The following PRDM11 variants were observed in gnomAD, a reference collection of about 807,000 sequenced individuals.
PRDM11 encodes PR domain-containing protein 11.
PRDM11 carries 20 observed loss-of-function variants against 97.8 expected under a neutral mutation model. That is an observed-to-expected ratio of 0.20 (90% CI 0.14 to 0.30). The LOEUF (loss-of-function observed/expected upper bound fraction) is 0.30. Among genes scored for constraint, PRDM11 ranks in the 10% least tolerant of loss-of-function variants. PRDM11 has a pLI of 1.00. For missense variants in PRDM11, 1,139 were observed against 1,555.2 expected (o/e 0.73, Z 4.50); for synonymous variants, 599 against 637.7 (o/e 0.94, Z 0.91).
intron 1 of PRDM11, among the ~76,000 whole-genome samples, chr11:45,106,333 C>T (rs1441407270): frequency 2.6e-5 from 4 of 152,204 alleles, no homozygotes; most frequent in South Asian, 4.1e-4. Context: ...GGCCCTGCCA[C>T]CTCTTGGGGT....
intron 4 of PRDM11, among the ~76,000 whole-genome samples, chr11:45,200,479 A>T (rs1358113981): frequency 6.6e-6 from 1 of 152,220 alleles, no homozygotes; most frequent in Non-Finnish European, 1.5e-5. Flanking sequence ...AATTTTATAG[A>T]TAAGGAAACT....
intron 1 of PRDM11, among the ~76,000 whole-genome samples, chr11:45,180,329 C>T (rs912133766): frequency 2.0e-5 from 3 of 152,126 alleles, no homozygotes; most frequent in Non-Finnish European, 4.4e-5. Flanking sequence ...CGCGGCTGAG[C>T]GAGCGGGTGT....
chr11:45,151,636 T>C (rs760999863), intron 1 of PRDM11, among the ~76,000 whole-genome samples: 12 of 152,242 alleles, frequency 7.9e-5, no homozygotes, highest in East Asian at 3.8e-4. Context: ...GCCTGGGAGA[T>C]AGGCAAATAA....
At chr11:45,170,306 G>T (rs11038339) in intron 1 of PRDM11, among the ~76,000 whole-genome samples, 2 of 151,806 alleles carry the variant, frequency 1.3e-5, no homozygotes, top group East Asian at 3.9e-4. Flanking sequence ...TCACACCACT[G>T]CACTCCAGCC....
intron 1 of PRDM11, among the ~76,000 whole-genome samples, chr11:45,125,793 G>A (rs1010263067): frequency 6.6e-6 from 1 of 152,098 alleles, no homozygotes; most frequent in East Asian, 1.9e-4. Flanking sequence ...GTGTGGTGTG[G>A]TGCTGAAAAA....
In PRDM11 at chr11:45,229,310, C is replaced by T. The variant is rs1206720514; in HGVS notation, c.*1151C>T. On this transcript the variant is annotated 3_prime_UTR_variant, in exon 8 of 8. Transcript: ENST00000683152. ...AAATGAGAGTCTGTAGAGATGTGGT[C>T]CTCCTTTTGCAACAAGGCTGATAAC... 1 of 152,036 alleles carries T rather than the reference C, an allele frequency of 6.6e-6. No individual in the cohort carries two copies. Among genetic ancestry groups the T allele is most frequent in the Non-Finnish European group, 1.5e-5 (1 of 68,024 alleles). 9.4% of individuals were successfully genotyped at this position (152,036 alleles called of 1,614,324 possible).
intron 5 of PRDM11, among the ~76,000 whole-genome samples, chr11:45,210,577 A>T (rs1853694419): frequency 6.6e-6 from 1 of 152,186 alleles, no homozygotes; most frequent in Non-Finnish European, 1.5e-5. Context: ...GGCTCAGCCC[A>T]TGGGAAGGTG....
At chr11:45,146,442 C>G (rs185818306), upstream of PRDM11, among the ~76,000 whole-genome samples, 4 of 152,220 alleles carry the variant, frequency 2.6e-5, no homozygotes, top group Admixed American at 2.6e-4. Context: ...GATTTCTCCA[C>G]GGGCTGGATT....
At chr11:45,164,801 T>C (rs141880392) in intron 1 of PRDM11, among the ~76,000 whole-genome samples, 1 of 152,280 alleles carries the variant, frequency 6.6e-6, no homozygotes, top group East Asian at 1.9e-4. Context: ...TGAATGCTTC[T>C]TGGGGGCCCA....
At position 45,227,156 on chromosome 11, in the gene PRDM11, A is replaced by G; in HGVS notation, c.2531A>G (p.Glu844Gly). The G allele has an allele frequency of 6.5e-7, 1 of 1,533,944 alleles. No individual in the cohort carries two copies. The highest frequency in any genetic ancestry group is 1.2e-5 in the South Asian group (1 of 83,972). The change falls in exon 8 of 8, where the codon GAG becomes GGG. Residue 844 changes from glutamate (E) to glycine (G), a missense_variant. This residue lies in a region of PRDM11 where 710 missense variants were observed against 1,044.9 expected (regional missense o/e 0.68). Transcript: ENST00000683152. This position sits in a 1 kb window ranked among gnomAD's most constrained non-coding sequence, Gnocchi z 8.0. Reference protein sequence around the residue: ...VLNALIKDYLEVVAHLKEVSS... With the variant: ...VLNALIKDYLGVVAHLKEVSS... ...AACGCTCTCATCAAGGACTACCTGG[A>G]GGTGGTGGCCCATCTCAAGGAGGTC...
At position 45,226,794 on chromosome 11, in the gene PRDM11, A is replaced by G. The variant is rs1565350963; in HGVS notation, c.2169A>G (p.Glu723=). The G allele has an allele frequency of 1.3e-6, 2 of 1,533,896 alleles. No individual in the cohort carries two copies. The highest frequency in any genetic ancestry group is 8.7e-7 in the Non-Finnish European group (1 of 1,146,726). Residue 723 remains glutamate (E), a synonymous_variant, in exon 8 of 8, where the codon GAA becomes GAG. Coordinates refer to ENST00000683152, the MANE Select transcript of PRDM11 (RefSeq NM_001384648.1). ...FSALGIRLQD[E]KPTVGLGVDG... is the part of the protein sequence containing the mutation. ...CCTTGGGCATCCGGTTGCAGGATGA[A>G]AAGCCAACTGTTGGCTTGGGTGTAG... is the stretch of plus-strand genomic sequence containing the variant.
intron 1 of PRDM11, among the ~76,000 whole-genome samples, chr11:45,123,289 A>G (rs1349936182): frequency 2.6e-5 from 4 of 152,180 alleles, no homozygotes; most frequent in African/African-American, 9.6e-5. Flanking sequence ...CCCATTTTGT[A>G]GGTTGCCTGT....
Position 45,103,533 on chromosome 11 carries a change from T to C in PRDM11, c.96+7632T>C, listed in dbSNP as rs1221839872. ...CCCTGAGCCTCAGTTTCCCCATCTG[T>C]AAAACCAGGAAAAATAACCCAAACT... On this transcript the variant is annotated intron_variant, in intron 1 of 6. Transcript: ENST00000530656. Among the ~76,000 whole-genome samples, 129 of 152,206 alleles carry C rather than the reference T, an allele frequency of 8.5e-4. 2 individuals carry two copies. The highest frequency in any genetic ancestry group is 7.4e-5 in the Non-Finnish European group (5 of 68,026).
chr11:45,113,830 T>TGTGTG (rs1324042757), intron 1 of PRDM11, among the ~76,000 whole-genome samples: 5 of 38,412 alleles, frequency 1.3e-4, no homozygotes, highest in African/African-American at 3.0e-4. Context: ...GTGTGTTTTG[T>TGTGTG]TTTTTTTTTT....
intron 1 of PRDM11, among the ~76,000 whole-genome samples, chr11:45,106,730 T>G (rs995182651): frequency 6.6e-6 from 1 of 152,186 alleles, no homozygotes; most frequent in East Asian, 1.9e-4. Flanking sequence ...ACGTGGTCTG[T>G]GAGTTCTTTT....
chr11:45,221,302 G>A (rs1854114414), intron 6 of PRDM11, among the ~76,000 whole-genome samples: 1 of 152,178 alleles, frequency 6.6e-6, no homozygotes. Flanking sequence ...TGATGAGGCT[G>A]CAGTGGTTTC....
intron 2 of PRDM11, 47 bp from the exon 3 acceptor site, chr11:45,182,197 ACT>A (rs1051901297): frequency 1.8e-5 from 28 of 1,550,174 alleles, no homozygotes; most frequent in Non-Finnish European, 2.5e-5. Flanking sequence ...CTGGGCTCTC[ACT>A]CTCTGATGAC....
chr11:45,178,367 C>T (rs1852380349), intron 1 of PRDM11, among the ~76,000 whole-genome samples: 1 of 152,134 alleles, frequency 6.6e-6, no homozygotes, highest in Admixed American at 6.6e-5. Flanking sequence ...ATTATCCTCC[C>T]CAACTTATCG....
At chr11:45,167,829 G>T (rs995710356) in intron 1 of PRDM11, among the ~76,000 whole-genome samples, 13 of 151,514 alleles carry the variant, frequency 8.6e-5, no homozygotes, top group African/African-American at 3.2e-4. Context: ...GGAATGGTGA[G>T]CTGGCTGCCT....
Sources: allele counts gnomAD v4.1 joint callset (sites outside exome capture counted in the v4.1 genomes callset), GRCh38; gene constraint gnomAD v4.1.1; regional missense constraint gnomAD v4.1.1; non-coding constraint Gnocchi (gnomAD v3.1); transcripts MANE v1.5; gene names NCBI Gene and HGNC (gene_info 2026-07-23, HGNC 2026-07-21).